Variants in GCKR observed in about 807,000 individuals in gnomAD.
GCKR encodes glucokinase regulatory protein.
In GCKR, 73 loss-of-function variants were observed where a neutral mutation model predicts 82.9. The ratio of observed to expected loss-of-function variants is 0.88; its 90% CI spans 0.73 to 1.07. GCKR has a LOEUF of 1.07. Among genes scored for constraint, GCKR ranks in the 50% least tolerant of loss-of-function variants. The probability of loss-of-function intolerance (pLI) is 0.00; values close to 1 mark genes in which losing one functional copy is unlikely to be tolerated. For missense variants in GCKR, 784 were observed against 782.1 expected, an observed-to-expected ratio of 1.00 and a Z score of -0.03; for synonymous variants, 294 against 291.8, an observed-to-expected ratio of 1.01 and a Z score of -0.08.
At position 27,508,251 on chromosome 2, in the gene GCKR, G is replaced by A. The variant is rs763599489; in HGVS notation, c.1422G>A (p.Gln474=). 1 of 1,573,496 alleles carries A rather than the reference G, an allele frequency of 6.4e-7. No individual in the cohort carries two copies. Among genetic ancestry groups the A allele is most frequent in the South Asian group, 1.1e-5 (1 of 90,242 alleles). ...LFFEYEGNFI[Q]KFQRELSTKW... is the part of the protein sequence containing the mutation. ...TTGAATATGAAGGGAACTTCATCCA[G>A]GTATGGGGAATGAGAAGGTCCTATC... The change falls in exon 16 of 19, where the codon CAG becomes CAA. Residue 474 remains glutamine (Q), a splice_region_variant and synonymous_variant. Coordinates refer to ENST00000264717, the MANE Select transcript of GCKR (RefSeq NM_001486.4).
intron 7 of GCKR, 89 bp downstream of exon 7, chr2:27,499,539 G>A (rs976238176): frequency 2.0e-5 from 20 of 984,408 alleles, no homozygotes; most frequent in East Asian, 4.8e-5. Flanking sequence ...CAATGAGATC[G>A]GTGCTAGAAG....
chr2:27,504,240 A>G (rs1393139110), intron 9 of GCKR, among the ~76,000 whole-genome samples: 1 of 152,246 alleles, frequency 6.6e-6, no homozygotes, highest in Admixed American at 6.5e-5. Flanking sequence ...ATAAGAAGGT[A>G]GAATTCCATA....
chr2:27,506,730 C>A (rs1373780455), intron 11 of GCKR, 58 bp from the exon 12 acceptor site: 5 of 1,177,064 alleles, frequency 4.2e-6, no homozygotes, highest in Non-Finnish European at 5.1e-6. Context: ...CTTCTGTGGA[C>A]ATCTCTGGCC....
At chr2:27,507,010 T>C (rs1669764919) in intron 12 of GCKR, 125 bp downstream of exon 12, 1 of 790,836 alleles carries the variant, frequency 1.3e-6, no homozygotes, top group Admixed American at 1.8e-5. Flanking sequence ...CCTATCTAAA[T>C]AGGCACTTCA....
At chr2:27,499,758 TG>T (rs1221723357) in intron 7 of GCKR, among the ~76,000 whole-genome samples, 5 of 152,160 alleles carry the variant, frequency 3.3e-5, no homozygotes, top group African/African-American at 1.2e-4. Flanking sequence ...TTTTTGTTGT[TG>T]TTGTTTGTTT....
chr2:27,517,892 G>C (rs931000639), intron 16 of GCKR, among the ~76,000 whole-genome samples: 1 of 152,116 alleles, frequency 6.6e-6, no homozygotes, highest in African/African-American at 2.4e-5. Context: ...TCAGAAGACC[G>C]GGATTTAGGT....
chr2:27,498,467 C>A (rs1669479218), intron 4 of GCKR, 144 bp downstream of exon 4: 1 of 692,224 alleles, frequency 1.4e-6, no homozygotes, highest in Non-Finnish European at 2.6e-6. Context: ...CTTCCAAAAG[C>A]TAGATGTCAC....
At chr2:27,501,857 T>C (rs1330677797) in intron 8 of GCKR, 1 of 431,796 alleles carries the variant, frequency 2.3e-6, no homozygotes, top group Non-Finnish European at 4.8e-6. Context: ...GTTCTGTGCA[T>C]GAGCTGCCTG....
chr2:27,519,766 C>G (rs1366634238), intron 17 of GCKR, among the ~76,000 whole-genome samples: 1 of 152,170 alleles, frequency 6.6e-6, no homozygotes, highest in Non-Finnish European at 1.5e-5. Flanking sequence ...ACATGCATGT[C>G]CCTGAAGCAA....
In GCKR at chr2:27,498,242, T is replaced by A; in HGVS notation, c.286-13T>A. 1 of 1,607,154 alleles carries A rather than the reference T, an allele frequency of 6.2e-7. No homozygotes were observed. Among genetic ancestry groups the A allele is most frequent in the Non-Finnish European group, 8.5e-7 (1 of 1,173,630 alleles). On this transcript the variant is annotated splice_polypyrimidine_tract_variant and intron_variant, in intron 3 of 18. Transcript: ENST00000264717. ...GCCAGGCCCTGGTAATATATGCCTC[T>A]TTCCTTCTTCAGGAGCCAGATGGGG...
chr2:27,501,919 C>A, intron 8 of GCKR: 1 of 340,712 alleles, frequency 2.9e-6, no homozygotes, highest in Admixed American at 4.0e-5. Flanking sequence ...TGTAAGAGGT[C>A]TGATTTTGTA....
chr2:27,499,591 A>G (rs1669523873), intron 7 of GCKR, 141 bp downstream of exon 7: 2 of 758,562 alleles, frequency 2.6e-6, no homozygotes, highest in African/African-American at 1.7e-5. Context: ...AGTTTCACTA[A>G]CTTGGATCAA....
chr2:27,515,766 T>TA (rs1491545989), intron 16 of GCKR, among the ~76,000 whole-genome samples: 1,914 of 73,498 alleles, frequency 0.026, 22 homozygotes, highest in African/African-American at 0.071. Context: ...TATATATATA[T>TA]TTTTTTTTTT....
chr2:27,505,747 G>A lies in GCKR; in HGVS notation c.780G>A (p.Met260Ile). The A allele has an allele frequency of 1.2e-6, 2 of 1,611,604 alleles. No homozygotes were observed. Among genetic ancestry groups the A allele is most frequent in the Non-Finnish European group, 1.7e-6 (2 of 1,177,780 alleles). Residue 260 changes from methionine to isoleucine, a missense_variant, in exon 10 of 19, where the codon ATG (methionine) becomes ATA (isoleucine). By Grantham distance (10) the Met-to-Ile change is conservative. Coordinates refer to ENST00000264717, the MANE Select transcript of GCKR (RefSeq NM_001486.4). The part of the protein sequence containing the change: ...GPEGLSGSSR[M>I]KGGSATKILL... Reference sequence around the variant, plus strand: ...AGGGTCTCAGCGGCTCCTCCCGGATGAAAGGTGGAAGTGCCACCAAGATTC... The same window carrying A: ...AGGGTCTCAGCGGCTCCTCCCGGATAAAAGGTGGAAGTGCCACCAAGATTC...
intron 5 of GCKR, 45 bp from the exon 6 acceptor site, chr2:27,499,097 T>G (rs1207491337): frequency 8.5e-7 from 1 of 1,173,894 alleles, no homozygotes; most frequent in East Asian, 2.3e-5. Context: ...GCCATAGGCT[T>G]CTGCTTTCCA....
At chr2:27,513,556 C>CT (rs1408037420) in intron 16 of GCKR, among the ~76,000 whole-genome samples, 5 of 150,118 alleles carry the variant, frequency 3.3e-5, no homozygotes, top group Admixed American at 3.3e-4. Context: ...GAAAGAAAAT[C>CT]TTTTTCTTCT....
In GCKR at chr2:27,506,784, T is replaced by G; in HGVS notation, c.969-4T>G. ...TCATGTCCTGACCTCTGACCCATTCTCAGTCTGGAGAAGAAAGGCCACGTG... is the reference window on the plus strand; with the variant it reads ...TCATGTCCTGACCTCTGACCCATTCGCAGTCTGGAGAAGAAAGGCCACGTG... On this transcript the variant is annotated splice_region_variant and splice_polypyrimidine_tract_variant and intron_variant, in intron 11 of 18. Transcript: ENST00000264717. 1 of 1,594,238 alleles carries G rather than the reference T, an allele frequency of 6.3e-7. No individual in the cohort carries two copies.
At chr2:27,515,480 T>A (rs1255944876) in intron 16 of GCKR, among the ~76,000 whole-genome samples, 1 of 151,784 alleles carries the variant, frequency 6.6e-6, no homozygotes, top group Non-Finnish European at 1.5e-5. Context: ...GTCACCATGT[T>A]GGCCAGGCTG....
intron 9 of GCKR, among the ~76,000 whole-genome samples, chr2:27,504,955 G>A (rs946242834): frequency 7.3e-5 from 11 of 151,326 alleles, no homozygotes; most frequent in African/African-American, 1.7e-4. Context: ...GTGAAACCAC[G>A]TCTCTACCAA....
Sources: gnomAD v4.1 joint callset for allele counts (sites outside exome capture counted in the v4.1 genomes callset) on GRCh38, gnomAD v4.1.1 for gene constraint, MANE v1.5 for transcripts, NCBI Gene and HGNC (gene_info 2026-07-23, HGNC 2026-07-21) for gene names.